DYNC2H1: variants seen among roughly 807,000 people sequenced by gnomAD.
DYNC2H1 encodes the protein dynein cytoplasmic 2 heavy chain 1.
Under a neutral mutation model 570.0 loss-of-function variants are expected in DYNC2H1, and 410 were observed. The observed-to-expected ratio is 0.72, with a 90% CI of 0.66 to 0.78. The LOEUF is 0.78. Ranked by LOEUF, DYNC2H1 falls within the 30% of genes least tolerant of loss-of-function variation. DYNC2H1 has a pLI of 0.00. For synonymous variants in DYNC2H1, 1,688 were observed against 1,677.6 expected (o/e 1.01, Z -0.15); for missense variants, 4,865 against 5,046.4 (o/e 0.96, Z 1.09).
intron 15 of DYNC2H1, among the ~76,000 whole-genome samples, chr11:103,134,736 C>T (rs1043135991): frequency 2.6e-5 from 4 of 151,454 alleles, no homozygotes; most frequent in Non-Finnish European, 2.9e-5. Flanking sequence ...TCGTGATAGC[C>T]GTAAAAAACA....
At chr11:103,263,120 C>T (rs1035112521) in intron 70 of DYNC2H1, among the ~76,000 whole-genome samples, 8 of 150,862 alleles carry the variant, frequency 5.3e-5, no homozygotes, top group Admixed American at 2.0e-4. Flanking sequence ...AAGGGCATTG[C>T]ATATGGTAAA....
chr11:103,365,961 C>T (rs1384653085), intron 83 of DYNC2H1, among the ~76,000 whole-genome samples: 1 of 152,170 alleles, frequency 6.6e-6, no homozygotes, highest in East Asian at 1.9e-4. Context: ...GACAATAGAA[C>T]TGGGAAATGA....
chr11:103,256,224 A>G lies in DYNC2H1; in HGVS notation c.10445A>G (p.Gln3482Arg). ...TCACTTAAAGAATCTTACAAACTCC[A>G]AATTTCCCTTGATCAAGTAATTATT... Reference protein sequence around the residue: ...QESLKESYKLQISLDQERDAY... With the variant: ...QESLKESYKLRISLDQERDAY... The change falls in exon 68 of 89, where the codon CAA becomes CGA. Residue 3482 changes from glutamine to arginine, a missense_variant. Physicochemically the swap from Gln to Arg is conservative, Grantham distance 43. Around this residue, in one of 5 missense-constraint regions of DYNC2H1, gnomAD observed 2,401 missense variants for 2,454.6 expected, o/e 0.98. Coordinates refer to ENST00000375735, the MANE Select transcript of DYNC2H1 (RefSeq NM_001377.3). This position sits in a 1 kb window ranked among gnomAD's most constrained non-coding sequence, Gnocchi z 4.0. 6.2e-7 allele frequency: 1 copy of G among 1,601,242 alleles called. No homozygotes were observed. The highest frequency in any genetic ancestry group is 1.1e-5 in the South Asian group (1 of 87,496).
intron 12 of DYNC2H1, among the ~76,000 whole-genome samples, chr11:103,125,940 T>C (rs1360081859): frequency 6.6e-6 from 1 of 152,234 alleles, no homozygotes; most frequent in Non-Finnish European, 1.5e-5. Context: ...GATTGTTTAA[T>C]TTCCAATTCA....
chr11:103,367,900 G>A (rs1279857425), intron 83 of DYNC2H1, among the ~76,000 whole-genome samples: 1 of 152,076 alleles, frequency 6.6e-6, no homozygotes, highest in East Asian at 1.9e-4. Flanking sequence ...TTCACTTAAT[G>A]TAATGTCTTC....
At chr11:103,364,029 T>C (rs1037602210) in intron 83 of DYNC2H1, among the ~76,000 whole-genome samples, 3 of 152,170 alleles carry the variant, frequency 2.0e-5, no homozygotes, top group Non-Finnish European at 1.5e-5. Context: ...AATGTCTGGC[T>C]ATTCTAGATA....
chr11:103,113,034 T>C (rs1249426974), intron 1 of DYNC2H1, among the ~76,000 whole-genome samples: 1 of 152,208 alleles, frequency 6.6e-6, no homozygotes, highest in Non-Finnish European at 1.5e-5. Flanking sequence ...ATAGACAACT[T>C]AAGTTCATTT....
At chr11:103,219,559 C>A (rs1433237016) in intron 55 of DYNC2H1, among the ~76,000 whole-genome samples, 1 of 152,146 alleles carries the variant, frequency 6.6e-6, no homozygotes, top group Non-Finnish European at 1.5e-5. Context: ...TTGAAGTGAG[C>A]TGAGACTGTG....
intron 83 of DYNC2H1, among the ~76,000 whole-genome samples, chr11:103,380,094 TTAAAAAAA>T (rs1408537174): frequency 1.3e-5 from 2 of 152,204 alleles, no homozygotes; most frequent in Admixed American, 1.3e-4. Context: ...TAATTACACT[TTAAAAAAA>T]TAAGTCAATT....
rs1864533752 is a variant in DYNC2H1, at chr11:103,244,486, AT to A, written c.9918+697del. On this transcript the variant is annotated intron_variant, in intron 64 of 88. Transcript: ENST00000375735. The surrounding 1 kb of genome is among the most constrained non-coding windows in gnomAD (Gnocchi z 4.3). ...CCTTATTTTTTGTGTGATAAGAATA[AT>A]TATAAATTAAATAATATATAAAATA... Among the ~76,000 whole-genome samples the A allele has an allele frequency of 6.7e-6, 1 of 150,222 alleles. No homozygotes were observed. The highest frequency in any genetic ancestry group is 1.9e-4 in the East Asian group (1 of 5,168).
intron 12 of DYNC2H1, among the ~76,000 whole-genome samples, chr11:103,125,946 A>G (rs937217224): frequency 2.0e-5 from 3 of 152,154 alleles, no homozygotes; most frequent in Admixed American, 6.5e-5. Flanking sequence ...TTAATTTCCA[A>G]TTCACAAGTC....
chr11:103,222,124 T>A lies in DYNC2H1; in HGVS notation c.9202T>A (p.Phe3068Ile). 2 of 1,585,060 alleles carry A rather than the reference T, an allele frequency of 1.3e-6. No individual in the cohort carries two copies. Among genetic ancestry groups the A allele is most frequent in the African/African-American group, 2.7e-5 (2 of 73,768 alleles). Residue 3068 changes from phenylalanine to isoleucine, a missense_variant, in exon 58 of 89, where the codon TTT becomes ATT. Physicochemically the swap from Phe to Ile is conservative, Grantham distance 21 (BLOSUM62 0). Transcript: ENST00000375735. The stretch of plus-strand genomic sequence containing the variant: ...AAGAGAGAGTGTTGAAGAACTTCTT[T>A]TTAAAAATAAAGGCTCTTTTGATCC... ...EIRESVEELL[F>I]KNKGSFDPKN... is the part of the protein sequence containing the mutation.
intron 85 of DYNC2H1, among the ~76,000 whole-genome samples, chr11:103,450,708 T>C (rs906173583): frequency 2.0e-5 from 3 of 152,210 alleles, no homozygotes; most frequent in Non-Finnish European, 2.9e-5. Context: ...AAATTACTTA[T>C]TTGCATTAAA....
chr11:103,255,228 C>T (rs1428569096), intron 66 of DYNC2H1, among the ~76,000 whole-genome samples, 187 bp from the exon 67 acceptor site: 1 of 152,102 alleles, frequency 6.6e-6, no homozygotes, highest in African/African-American at 2.4e-5. Context: ...ATCAGCTTAA[C>T]TGTTTTGTCT....
intron 76 of DYNC2H1, among the ~76,000 whole-genome samples, chr11:103,303,456 A>G (rs1867135683): frequency 6.6e-6 from 1 of 152,094 alleles, no homozygotes; most frequent in Non-Finnish European, 1.5e-5. Context: ...TTCAGATGGG[A>G]AGAGTAGCCT....
At chr11:103,223,309 A>G (rs1458058672) in intron 59 of DYNC2H1, among the ~76,000 whole-genome samples, 2 of 152,180 alleles carry the variant, frequency 1.3e-5, no homozygotes, top group Non-Finnish European at 2.9e-5. Flanking sequence ...TACCATTATT[A>G]TATTGTTGGA....
intron 65 of DYNC2H1, among the ~76,000 whole-genome samples, chr11:103,251,461 T>C (rs1864830752): frequency 6.6e-6 from 1 of 152,170 alleles, no homozygotes; most frequent in Non-Finnish European, 1.5e-5. Flanking sequence ...ATGAGATACA[T>C]ATATATCATA....
In DYNC2H1 at chr11:103,153,371, A is replaced by G; in HGVS notation, c.3165A>G (p.Lys1055=). 1 of 1,549,150 alleles carries G rather than the reference A, an allele frequency of 6.5e-7. No homozygotes were observed. Among genetic ancestry groups the G allele is most frequent in the South Asian group, 1.2e-5 (1 of 82,568 alleles). The change falls in exon 22 of 89, where the codon AAA becomes AAG. Residue 1055 remains lysine (K), a synonymous_variant. Transcript: ENST00000375735. ...QIYYQELEKF[K]ARWDQLKPGD... The stretch of plus-strand genomic sequence containing the variant: ...ATTATCAAGAACTGGAAAAATTTAA[A>G]GCTCGTTGGGACCAACTAAAGCCTG...
chr11:103,221,931 G>T lies in DYNC2H1; in HGVS notation c.9108-99G>T. On this transcript the variant is annotated intron_variant, in intron 57 of 88. Transcript: ENST00000375735. ...AATACCATATTTTTGTTAACTAATG[G>T]ATTAAAAGTATTGCATACACCATTT... 2.4e-6 allele frequency: 3 copies of T among 1,229,574 alleles called. No homozygotes were observed. In the East Asian group the frequency reaches 7.1e-5, roughly 29 times the overall value. 76.2% of individuals were successfully genotyped at this position (1,229,574 alleles called of 1,614,324 possible).
Sources: allele counts gnomAD v4.1 joint callset (sites outside exome capture counted in the v4.1 genomes callset), GRCh38; gene constraint gnomAD v4.1.1; regional missense constraint gnomAD v4.1.1; non-coding constraint Gnocchi (gnomAD v3.1); transcripts MANE v1.5; gene names NCBI Gene and HGNC (gene_info 2026-07-23, HGNC 2026-07-21).